The following SLC39A11 variants were observed in gnomAD, a reference collection of about 807,000 sequenced individuals.
SLC39A11 encodes the protein solute carrier family 39 member 11.
SLC39A11 carries 33 observed loss-of-function variants against 36.1 expected under a neutral mutation model. That is an observed-to-expected ratio of 0.91 (90% confidence interval 0.69 to 1.22). The LOEUF (loss-of-function observed/expected upper bound fraction) is 1.22, where lower values mean the gene tolerates loss of function less well. Among genes scored for constraint, SLC39A11 ranks in the 50% most tolerant of loss-of-function variants. The pLI is 0.00. For synonymous variants in SLC39A11, 166 were observed against 170.3 expected (o/e 0.97, Z 0.20); for missense variants, 432 against 430.3 (o/e 1.00, Z -0.03).
At chr17:72,794,163 T>C (rs1455908102) in intron 6 of SLC39A11, among the ~76,000 whole-genome samples, 1 of 152,112 alleles carries the variant, frequency 6.6e-6, no homozygotes, top group Non-Finnish European at 1.5e-5. Context: ...GAACAGTCAC[T>C]GTACACAGCT....
intron 6 of SLC39A11, among the ~76,000 whole-genome samples, chr17:72,750,144 AAGAGAGT>A (rs2075098475): frequency 6.6e-6 from 1 of 152,194 alleles, no homozygotes; most frequent in East Asian, 1.9e-4. Flanking sequence ...CTTGGGAGCC[AAGAGAGT>A]CACCCTGGGA....
chr17:72,907,438 C>A (rs1441714255), intron 5 of SLC39A11, among the ~76,000 whole-genome samples: 1 of 152,076 alleles, frequency 6.6e-6, no homozygotes, highest in Non-Finnish European at 1.5e-5. Flanking sequence ...TGCAGTGAGC[C>A]GATATCACAC....
At chr17:72,829,833 C>T (rs1417962091) in intron 6 of SLC39A11, among the ~76,000 whole-genome samples, 3 of 152,116 alleles carry the variant, frequency 2.0e-5, no homozygotes. Flanking sequence ...AGTGTAGCCA[C>T]CTTGTTCCCC....
chr17:72,815,875 T>A (rs979222057), intron 6 of SLC39A11, among the ~76,000 whole-genome samples: 1 of 151,844 alleles, frequency 6.6e-6, no homozygotes, highest in Admixed American at 6.6e-5. Flanking sequence ...GAGCCGAGAT[T>A]GGGCCATTGC....
At chr17:72,735,053 T>C (rs1480416102) in intron 7 of SLC39A11, among the ~76,000 whole-genome samples, 3 of 152,154 alleles carry the variant, frequency 2.0e-5, no homozygotes, top group Non-Finnish European at 4.4e-5. Context: ...ATTTCTTACA[T>C]TCTAAAGGCT....
intron 4 of SLC39A11, among the ~76,000 whole-genome samples, chr17:72,972,250 C>T (rs2087511939): frequency 1.3e-5 from 2 of 152,176 alleles, no homozygotes; most frequent in Admixed American, 1.3e-4. Context: ...CACGGCCCAT[C>T]ATGTCCAGAG....
intron 7 of SLC39A11, among the ~76,000 whole-genome samples, chr17:72,683,380 G>C (rs1006089480): frequency 1.4e-5 from 2 of 146,552 alleles, no homozygotes. Flanking sequence ...ATCTCCTATA[G>C]GCTAGAGTGC....
chr17:72,740,113 A>AGTGCAGTGGC (rs1033719099), intron 6 of SLC39A11, among the ~76,000 whole-genome samples: 7 of 118,420 alleles, frequency 5.9e-5, no homozygotes, highest in African/African-American at 1.0e-4. Context: ...CCCAGGCTGG[A>AGTGCAGTGGC]GTGCAGTGGC....
chr17:72,991,173 C>T (rs1035060965), intron 4 of SLC39A11, among the ~76,000 whole-genome samples: 8 of 152,142 alleles, frequency 5.3e-5, no homozygotes, highest in Non-Finnish European at 1.2e-4. Flanking sequence ...ATTAGAGGTA[C>T]TCAATATCTG....
intron 3 of SLC39A11, among the ~76,000 whole-genome samples, chr17:73,052,404 A>G (rs933106296): frequency 6.6e-6 from 1 of 152,174 alleles, no homozygotes; most frequent in Non-Finnish European, 1.5e-5. Context: ...TATGGAATCA[A>G]TGAAATTTTC....
intron 5 of SLC39A11, among the ~76,000 whole-genome samples, chr17:72,937,204 G>T (rs888628461): frequency 1.3e-5 from 2 of 152,176 alleles, no homozygotes; most frequent in Admixed American, 6.5e-5. Flanking sequence ...ACTTTGGGAG[G>T]CCGAGGCGGG....
intron 7 of SLC39A11, among the ~76,000 whole-genome samples, chr17:72,729,424 TATATATATATATATATATATATA>T (rs2074083207): frequency 4.4e-4 from 1 of 2,262 alleles, no homozygotes; most frequent in Non-Finnish European, 1.1e-3. Flanking sequence ...TATATATATA[TATATATATATATATATATATATA>T]TATATATATA....
intron 5 of SLC39A11, among the ~76,000 whole-genome samples, chr17:72,911,708 A>G (rs552996232): frequency 1.6e-4 from 24 of 152,148 alleles, no homozygotes; most frequent in Middle Eastern, 3.2e-3. Flanking sequence ...CAATGGTGTG[A>G]TCTCAGCTCA....
rs369237567 is a variant in SLC39A11, at chr17:72,687,887, GCATACAGTGA to G, written c.672-38629_672-38620del. Among the ~76,000 whole-genome samples, 277 of 152,258 alleles carry G rather than the reference GCATACAGTGA, an allele frequency of 1.8e-3. 2 individuals are homozygous for G. Among genetic ancestry groups the G allele is most frequent in the African/African-American group, 6.5e-3 (268 of 41,546 alleles). The stretch of plus-strand genomic sequence containing the variant: ...CACATGCAGAAACTGAGGCTCTGTG[GCATACAGTGA>G]CATCTCCAAGGCCACACACCTCCTG... On this transcript the variant is annotated intron_variant, in intron 7 of 9. Coordinates refer to ENST00000255559, the MANE Select transcript of SLC39A11 (RefSeq NM_139177.4).
intron 5 of SLC39A11, among the ~76,000 whole-genome samples, chr17:72,922,960 CAAAAAAAAAA>C (rs10645750): frequency 4.5e-5 from 2 of 44,080 alleles, no homozygotes; most frequent in South Asian, 1.2e-3. Context: ...GACTCCTTCT[CAAAAAAAAAA>C]AAAAAAAAAA....
At chr17:72,957,909 G>A (rs980882939) in intron 4 of SLC39A11, among the ~76,000 whole-genome samples, 1 of 151,974 alleles carries the variant, frequency 6.6e-6, no homozygotes, top group African/African-American at 2.4e-5. Flanking sequence ...AGAATCGCTT[G>A]AACCTAGAGG....
In SLC39A11 at chr17:72,711,065, T is replaced by TGG. The variant is rs1483914711; in HGVS notation, c.671+25583_671+25584dup. ...ACAGCATGCAAGGCCTCTGATGATG[T>TGG]GGGTCCTGCCTACCTTTGCAGCCTC... On this transcript the variant is annotated intron_variant, in intron 7 of 9. Coordinates refer to ENST00000255559, the MANE Select transcript of SLC39A11 (RefSeq NM_139177.4). Among the ~76,000 whole-genome samples, 13 of 152,318 alleles carry TGG rather than the reference T, an allele frequency of 8.5e-5. No individual in the cohort carries two copies. In the East Asian group the frequency reaches 2.3e-3, roughly 27 times the overall value.
intron 6 of SLC39A11, among the ~76,000 whole-genome samples, chr17:72,776,118 C>G (rs2076122822): frequency 6.6e-6 from 1 of 152,242 alleles, no homozygotes; most frequent in African/African-American, 2.4e-5. Flanking sequence ...GCCTGAGACT[C>G]TGCTTTCAAG....
chr17:73,002,137 TAAGA>T (rs1397289975), intron 4 of SLC39A11, among the ~76,000 whole-genome samples: 1 of 152,058 alleles, frequency 6.6e-6, no homozygotes, highest in Non-Finnish European at 1.5e-5. Context: ...GAGGTATCAC[TAAGA>T]AAGAAAAATA....
Sources: gnomAD v4.1 joint callset for allele counts (sites outside exome capture counted in the v4.1 genomes callset) on GRCh38, gnomAD v4.1.1 for gene constraint, MANE v1.5 for transcripts, NCBI Gene and HGNC (gene_info 2026-07-23, HGNC 2026-07-21) for gene names.